The following GPC4 variants were observed in gnomAD, a reference collection of about 807,000 sequenced individuals.
GPC4 encodes glypican-4.
Under a neutral mutation model 35.0 loss-of-function variants are expected in GPC4, and 10 were observed. That is an observed-to-expected ratio of 0.29 (90% CI 0.18 to 0.48). The LOEUF (loss-of-function observed/expected upper bound fraction) is 0.48. Ranked by LOEUF, GPC4 falls within the 20% of genes least tolerant of loss-of-function variation. The pLI is 0.99. For missense variants in GPC4, 322 were observed against 451.3 expected (o/e 0.71, Z 2.60); for synonymous variants, 167 against 170.2 (o/e 0.98, Z 0.15).
intron 3 of GPC4, among the ~76,000 whole-genome samples, chrX:133,314,921 G>A (rs988515040): frequency 4.5e-5 from 5 of 111,040 alleles, no homozygotes; most frequent in African/African-American, 1.6e-4. Context: ...ACCTGCCCAG[G>A]CTCAGAACAG....
chrX:133,307,702 C>G (rs2068296846), intron 4 of GPC4, among the ~76,000 whole-genome samples: 1 of 111,718 alleles, frequency 9.0e-6, no homozygotes, highest in Non-Finnish European at 1.9e-5. Context: ...AAGCACATTC[C>G]TTCGTAAGCT....
At position 133,342,759 on chromosome X, in the gene GPC4, T is replaced by C. The variant is rs192903970; in HGVS notation, c.161-3418A>G. On this transcript the variant is annotated intron_variant, in intron 1 of 8. Transcript: ENST00000370828. Reference sequence around the variant, plus strand: ...CTGGGTACATTTGAAAATGAAATTATAGCTCCATGTTCTGGTAAAAAATCT... The same window carrying C: ...CTGGGTACATTTGAAAATGAAATTACAGCTCCATGTTCTGGTAAAAAATCT... Among the ~76,000 whole-genome samples, 84 of 111,128 alleles carry C rather than the reference T, an allele frequency of 7.6e-4. 1 individual carries two copies. Among genetic ancestry groups the C allele is most frequent in the African/African-American group, 2.7e-3 (83 of 30,574 alleles).
intron 1 of GPC4, among the ~76,000 whole-genome samples, chrX:133,352,284 A>C (rs1053251098): frequency 1.8e-5 from 2 of 111,859 alleles, no homozygotes; most frequent in Non-Finnish European, 3.8e-5. Flanking sequence ...TAACCTATAC[A>C]TTGCCATATA....
intron 1 of GPC4, among the ~76,000 whole-genome samples, chrX:133,353,302 C>G (rs1477248457): frequency 8.9e-6 from 1 of 112,007 alleles, no homozygotes; most frequent in Non-Finnish European, 1.9e-5. Flanking sequence ...CCTGTAAGAA[C>G]TTAGGGTTGC....
intron 2 of GPC4, among the ~76,000 whole-genome samples, chrX:133,330,076 T>A (rs2124125632): frequency 8.9e-6 from 1 of 112,025 alleles, no homozygotes; most frequent in African/African-American, 3.2e-5. Context: ...CATTCTAGAA[T>A]TAACCCATAA....
chrX:133,366,165 A>T (rs1346450712), intron 1 of GPC4, among the ~76,000 whole-genome samples: 1 of 112,411 alleles, frequency 8.9e-6, no homozygotes, highest in Non-Finnish European at 1.9e-5. Flanking sequence ...AGATGATTCA[A>T]GTGTAAAAGC....
chrX:133,415,212 CGCGCGGCCCAGGGAAGCAGAG>C lies in GPC4; in HGVS notation c.-268_-248del. Reference sequence around the variant, plus strand: ...GGGGAGAAGGAGGGCGTGGAGGCGGCGCGCGGCCCAGGGAAGCAGAGGCGCGGGCTGGTGACCTCGGGGTTT... The same window carrying C: ...GGGGAGAAGGAGGGCGTGGAGGCGGCGCGCGGGCTGGTGACCTCGGGGTTT... On this transcript the variant is annotated 5_prime_UTR_variant, in exon 1 of 9. Transcript: ENST00000370828. 8.2e-6 allele frequency: 3 copies of C among 364,774 alleles called. No homozygotes were observed. The highest frequency in any genetic ancestry group is 1.4e-5 in the Non-Finnish European group (3 of 210,332). 30.1% of individuals were successfully genotyped at this position (364,774 alleles called of 1,213,427 possible).
intron 1 of GPC4, among the ~76,000 whole-genome samples, chrX:133,346,309 A>G (rs1053373677): frequency 4.5e-5 from 5 of 111,846 alleles, no homozygotes; most frequent in African/African-American, 1.6e-4. Context: ...AATCAGCCTC[A>G]GGTTCCCTGC....
chrX:133,334,629 C>A (rs954156591), intron 2 of GPC4, among the ~76,000 whole-genome samples: 20 of 111,424 alleles, frequency 1.8e-4, no homozygotes, highest in African/African-American at 6.5e-4. Context: ...GAGCATCTAG[C>A]TCAACCCCCT....
In GPC4 at chrX:133,303,903, GAGGAAGGAAGGA is replaced by G. The variant is rs59442838; in HGVS notation, c.1293-574_1293-563del. ...GCAGGGTGACAGTGATACTCTGTTG[GAGGAAGGAAGGA>G]AGGAAGGAAGGAAGGAAGGAAGGAA... On this transcript the variant is annotated intron_variant, in intron 7 of 8. Coordinates refer to ENST00000370828, the MANE Select transcript of GPC4 (RefSeq NM_001448.3). Among the ~76,000 whole-genome samples the G allele has an allele frequency of 1.9e-3, 143 of 75,405 alleles. 1 individual carries two copies. The highest frequency in any genetic ancestry group is 0.011 in the South Asian group (12 of 1,134). The allele number at this position is 75,405 out of a possible 115,157, so 65.5% of individuals were successfully genotyped here.
chrX:133,414,654 TCG>T, intron 1 of GPC4, 150 bp downstream of exon 1: 1 of 1,096,183 alleles, frequency 9.1e-7, no homozygotes, highest in South Asian at 2.4e-5. Context: ...CCTGGCTCTC[TCG>T]CTCGCTCGCT....
rs112665479 is a variant in GPC4 at position 133,360,618 on chromosome X, T to C, written c.161-21277A>G. Reference sequence around the variant, plus strand: ...GAGACTGAAGCCACCCTCTGGAACATAGCCTTTATTTTGTACACAAATACT... The same window carrying C: ...GAGACTGAAGCCACCCTCTGGAACACAGCCTTTATTTTGTACACAAATACT... On this transcript the variant is annotated intron_variant, in intron 1 of 8. Transcript: ENST00000370828. Among the ~76,000 whole-genome samples the C allele has an allele frequency of 3.7e-3, 409 of 111,745 alleles. 2 individuals are homozygous for C. The highest frequency in any genetic ancestry group is 0.031 in the South Asian group (82 of 2,656).
chrX:133,346,924 G>T lies in GPC4; in HGVS notation c.161-7583C>A, dbSNP rs755131980. Reference sequence around the variant, plus strand: ...TGAGGATGCCAGCTAAAAGGTACGGGGTTTCTTTCGGGGGTGATGAAAAAT... The same window carrying T: ...TGAGGATGCCAGCTAAAAGGTACGGTGTTTCTTTCGGGGGTGATGAAAAAT... On this transcript the variant is annotated intron_variant, in intron 1 of 8. Transcript: ENST00000370828. Among the ~76,000 whole-genome samples the T allele has an allele frequency of 2.0e-4, 22 of 111,382 alleles. No homozygotes were observed. In the East Asian group the frequency reaches 6.2e-3, roughly 32 times the overall value.
In GPC4 at chrX:133,404,121, A is replaced by C. The variant is rs776680449; in HGVS notation, c.160+10685T>G. Among the ~76,000 whole-genome samples, 17 of 111,842 alleles carry C rather than the reference A, an allele frequency of 1.5e-4. No individual in the cohort carries two copies. The East Asian group carries it at 4.8e-3, about 32-fold the overall frequency. On this transcript the variant is annotated intron_variant, in intron 1 of 8. Transcript: ENST00000370828. ...TGTTTACAAGGGAAACCAGTATTCA[A>C]ATGTGTCACCCTTAACGAGGAACCA...
At chrX:133,332,067 T>G (rs1054634128) in intron 2 of GPC4, among the ~76,000 whole-genome samples, 3 of 111,910 alleles carry the variant, frequency 2.7e-5, no homozygotes, top group Non-Finnish European at 5.6e-5. Context: ...TTTCCAAATT[T>G]TCTACAGTGA....
intron 1 of GPC4, among the ~76,000 whole-genome samples, chrX:133,359,536 C>CAAGAGA (rs2068557261): frequency 9.0e-6 from 1 of 111,695 alleles, no homozygotes; most frequent in African/African-American, 3.3e-5. Context: ...ATTGCAAAGG[C>CAAGAGA]TATAGTAAGA....
chrX:133,317,277 C>G lies in GPC4; in HGVS notation c.712-5854G>C, dbSNP rs772264885. Among the ~76,000 whole-genome samples the G allele has an allele frequency of 2.7e-5, 3 of 111,077 alleles. No individual in the cohort carries two copies. In the East Asian group the frequency reaches 8.5e-4, roughly 31 times the overall value. Reference sequence around the variant, plus strand: ...CAGTGTGTATGTGGGGGGGAAGATGCCTCATTTCCTTCTCAACTTATTAAA... The same window carrying G: ...CAGTGTGTATGTGGGGGGGAAGATGGCTCATTTCCTTCTCAACTTATTAAA... On this transcript the variant is annotated intron_variant, in intron 3 of 8. Transcript: ENST00000370828.
In GPC4 at chrX:133,384,561, G is replaced by A. The variant is rs374212577; in HGVS notation, c.160+30245C>T. On this transcript the variant is annotated intron_variant, in intron 1 of 8. Transcript: ENST00000370828. ...CTCTGAGCATTGTCCTGGTACATGT[G>A]GAGCATTTCTGTGAAGCATTTCTGG... 4.9e-4 allele frequency among the ~76,000 whole-genome samples: 54 copies of A among 111,248 alleles called. No individual in the cohort carries two copies. The South Asian group carries it at 0.021, about 43-fold the overall frequency.
intron 1 of GPC4, among the ~76,000 whole-genome samples, chrX:133,356,105 C>T (rs2266808): frequency 0.37 from 41,198 of 110,535 alleles, 6,456 homozygotes; most frequent in African/African-American, 0.6. Flanking sequence ...TTATTCTGTG[C>T]GATGGCATAG....
Sources: gnomAD v4.1 joint callset for allele counts (sites outside exome capture counted in the v4.1 genomes callset) on GRCh38, gnomAD v4.1.1 for gene constraint, MANE v1.5 for transcripts, NCBI Gene and HGNC (gene_info 2026-07-23, HGNC 2026-07-21) for gene names.